Variants in STIM1 observed in about 807,000 individuals in gnomAD.
STIM1 encodes stromal interaction molecule 1.
Under a neutral mutation model 74.7 loss-of-function variants are expected in STIM1, and 25 were observed. That is an observed-to-expected ratio of 0.33 (90% CI 0.24 to 0.47). STIM1 has a LOEUF of 0.47. Among genes scored for constraint, STIM1 ranks in the 20% least tolerant of loss-of-function variants. The pLI is 1.00. For missense variants in STIM1, 728 were observed against 920.8 expected (o/e 0.79, Z 2.71); for synonymous variants, 328 against 348.8 (o/e 0.94, Z 0.66).
intron 6 of STIM1, among the ~76,000 whole-genome samples, chr11:4,072,878 C>T (rs2094412659): frequency 6.6e-6 from 1 of 152,056 alleles, no homozygotes. Context: ...ATGCATATAT[C>T]GCCATCTGGT....
At chr11:3,940,866 G>A (rs2092996496) in intron 1 of STIM1, among the ~76,000 whole-genome samples, 1 of 152,180 alleles carries the variant, frequency 6.6e-6, no homozygotes, top group African/African-American at 2.4e-5. Flanking sequence ...TTTATAGGAA[G>A]TGTTTTTATG....
chr11:4,065,226 A>C (rs182901308), intron 5 of STIM1, among the ~76,000 whole-genome samples: 4 of 152,306 alleles, frequency 2.6e-5, no homozygotes, highest in African/African-American at 9.6e-5. Flanking sequence ...GGAAAAGAAA[A>C]GACTATGCCT....
intron 1 of STIM1, among the ~76,000 whole-genome samples, chr11:3,861,235 AT>A (rs35261978): frequency 0.1 from 14,433 of 137,752 alleles, 693 homozygotes; most frequent in Middle Eastern, 0.16. Flanking sequence ...TAGTGGTTCT[AT>A]TTTTTTTTTT....
At chr11:4,051,835 A>G (rs2094244902) in intron 3 of STIM1, among the ~76,000 whole-genome samples, 1 of 152,138 alleles carries the variant, frequency 6.6e-6, no homozygotes, top group South Asian at 2.1e-4. Flanking sequence ...TGCAGATGAC[A>G]TGATTGTATG....
At chr11:3,930,461 T>G (rs896232506) in intron 1 of STIM1, among the ~76,000 whole-genome samples, 2 of 152,142 alleles carry the variant, frequency 1.3e-5, no homozygotes, top group Non-Finnish European at 1.5e-5. Context: ...TATTATTGAA[T>G]TATCTCATAT....
intron 3 of STIM1, among the ~76,000 whole-genome samples, chr11:4,049,035 A>G (rs563319337): frequency 6.6e-6 from 1 of 152,188 alleles, no homozygotes; most frequent in Non-Finnish European, 1.5e-5. Context: ...CACCTGGCCT[A>G]TAAATTATTT....
At chr11:4,023,801 G>C (rs1385069264) in intron 2 of STIM1, 72 bp from the exon 3 acceptor site, 4 of 1,113,808 alleles carry the variant, frequency 3.6e-6, no homozygotes, top group Non-Finnish European at 5.4e-6. Flanking sequence ...CTAGAGGCAG[G>C]TGACCTGTGT....
intron 1 of STIM1, among the ~76,000 whole-genome samples, chr11:3,960,750 TCTTTAGCCAAAA>T (rs1262471182): frequency 2.0e-5 from 3 of 152,206 alleles, no homozygotes; most frequent in African/African-American, 7.2e-5. Flanking sequence ...TATGTTTTGA[TCTTTAGCCAAAA>T]CAACACATCA....
At chr11:4,043,077 G>A (rs2094161046) in intron 3 of STIM1, among the ~76,000 whole-genome samples, 3 of 152,152 alleles carry the variant, frequency 2.0e-5, no homozygotes, top group African/African-American at 4.8e-5. Flanking sequence ...AGTGATTTAC[G>A]CAAGCTAGTT....
chr11:3,885,018 C>T (rs891830334), intron 1 of STIM1, among the ~76,000 whole-genome samples: 4 of 151,806 alleles, frequency 2.6e-5, no homozygotes, highest in Non-Finnish European at 4.4e-5. Flanking sequence ...GAAGTTACTT[C>T]TAATGGATAT....
chr11:3,994,321 A>G (rs537318842), intron 2 of STIM1, among the ~76,000 whole-genome samples: 27 of 151,872 alleles, frequency 1.8e-4, no homozygotes, highest in Non-Finnish European at 3.5e-4. Flanking sequence ...GTTTTACTTA[A>G]TGTGTCTATT....
At chr11:3,932,072 C>T (rs1441948076) in intron 1 of STIM1, among the ~76,000 whole-genome samples, 5 of 152,214 alleles carry the variant, frequency 3.3e-5, no homozygotes, top group Non-Finnish European at 5.9e-5. Context: ...CAGCCTGCTG[C>T]GACTGGACTG....
intron 2 of STIM1, among the ~76,000 whole-genome samples, chr11:3,971,335 C>T (rs1338769630): frequency 6.6e-6 from 1 of 151,950 alleles, no homozygotes; most frequent in African/African-American, 2.4e-5. Context: ...TGAGACCATC[C>T]TGGCTAACAC....
chr11:4,076,211 C>T lies in STIM1; in HGVS notation c.969+1532C>T, dbSNP rs368968884. 2.6e-5 allele frequency among the ~76,000 whole-genome samples: 4 copies of T among 151,710 alleles called. No homozygotes were observed. The East Asian group carries it at 7.7e-4, about 29-fold the overall frequency. ...TTTTAAAATGATTGATGCAGTCAGG[C>T]GCCGTGGCTCATGACTGTAATCGCA... On this transcript the variant is annotated intron_variant, in intron 7 of 12. Transcript: ENST00000526596.
intron 1 of STIM1, chr11:3,867,970 G>A (rs995063629): frequency 1.3e-5 from 2 of 152,226 alleles, no homozygotes. Context: ...AGGCCTCTCA[G>A]GAAGCTCTCA....
Position 4,074,584 on chromosome 11 carries a change from C to T in STIM1, c.874C>T (p.Leu292Phe). Residue 292 changes from leucine to phenylalanine, a missense_variant, in exon 7 of 13, where the codon CTT becomes TTT. Leu to Phe is a conservative substitution (Grantham distance 22, BLOSUM62 0). Coordinates refer to ENST00000526596, the MANE Select transcript of STIM1 (RefSeq NM_001382567.1). ...LEKKLRDEINLAKQEAQRLKE... is the reference protein window; with the variant it reads ...LEKKLRDEINFAKQEAQRLKE... ...AAAGAAGCTGCGCGATGAGATCAAC[C>T]TTGCTAAGCAGGAAGCCCAGCGGCT... 1 of 1,613,814 alleles carries T rather than the reference C, an allele frequency of 6.2e-7. No individual in the cohort carries two copies. Among genetic ancestry groups the T allele is most frequent in the Non-Finnish European group, 8.5e-7 (1 of 1,179,916 alleles).
rs200265488 is a variant in STIM1, at chr11:3,856,103, A to G, written c.-168A>G. On this transcript the variant is annotated 5_prime_UTR_variant, in exon 1 of 13. Transcript: ENST00000526596. Reference sequence around the variant, plus strand: ...CTCCTCCCGCACCCAAACTTGGAGCACTTGACCTTTGGCTGTTGGAGGGGG... The same window carrying G: ...CTCCTCCCGCACCCAAACTTGGAGCGCTTGACCTTTGGCTGTTGGAGGGGG... The G allele has an allele frequency of 2.7e-5, 22 of 809,042 alleles. No individual in the cohort carries two copies. Among genetic ancestry groups the G allele is most frequent in the Non-Finnish European group, 4.2e-5 (21 of 498,266 alleles). 50.1% of individuals were successfully genotyped at this position (809,042 alleles called of 1,614,324 possible). A position where few individuals can be genotyped will look rare whatever the true frequency, so the allele number is the denominator to read the frequency against.
chr11:3,869,714 T>G (rs1473701840), intron 1 of STIM1, among the ~76,000 whole-genome samples: 2 of 152,208 alleles, frequency 1.3e-5, no homozygotes, highest in Non-Finnish European at 2.9e-5. Flanking sequence ...TTGCACGTTT[T>G]GACAAGGGGA....
At chr11:3,980,623 A>C (rs1459613953) in intron 2 of STIM1, among the ~76,000 whole-genome samples, 3 of 151,890 alleles carry the variant, frequency 2.0e-5, no homozygotes, top group Non-Finnish European at 4.4e-5. Flanking sequence ...AAAAAAAAAA[A>C]AAAAACCCAC....
Sources: allele counts gnomAD v4.1 joint callset (sites outside exome capture counted in the v4.1 genomes callset), GRCh38; gene constraint gnomAD v4.1.1; transcripts MANE v1.5; gene names NCBI Gene and HGNC (gene_info 2026-07-23, HGNC 2026-07-21).